Variants in CCDC127 observed in about 807,000 individuals in gnomAD.
The protein encoded by CCDC127 is coiled-coil domain-containing protein 127.
Under a neutral mutation model 4.1 loss-of-function variants are expected in CCDC127, and 2 were observed. The observed-to-expected ratio is 0.49, with a 90% CI of 0.20 to 1.53. The LOEUF is 1.53. Ranked by LOEUF, CCDC127 falls within the 40% of genes most tolerant of loss-of-function variation. The probability of loss-of-function intolerance (pLI) is 0.23; values close to 1 mark genes in which losing one functional copy is unlikely to be tolerated. For missense variants in CCDC127, 271 were observed against 322.9 expected, an observed-to-expected ratio of 0.84 and a Z score of 1.23; for synonymous variants, 98 against 120.4, an observed-to-expected ratio of 0.81 and a Z score of 1.22.
Position 196,890 on chromosome 5 carries a change from C to G in CCDC127, c.*8407G>C, listed in dbSNP as rs1733953637. On this transcript the variant is annotated 3_prime_UTR_variant, in exon 3 of 3. Coordinates refer to ENST00000296824, the MANE Select transcript of CCDC127 (RefSeq NM_145265.3). ...AAGTATAGAGAAACAACAGTGGGCC[C>G]AGGGGACCGGCGCTCAGCATACCAA... 1.3e-5 allele frequency: 2 copies of G among 150,558 alleles called. No homozygotes were observed. Among genetic ancestry groups the G allele is most frequent in the African/African-American group, 2.4e-5 (1 of 40,868 alleles). 9.3% of individuals were successfully genotyped at this position (150,558 alleles called of 1,614,324 possible). A position where few individuals can be genotyped will look rare whatever the true frequency, so the allele number is the denominator to read the frequency against.
Position 204,408 on chromosome 5 carries a change from G to A in CCDC127, c.*889C>T, listed in dbSNP as rs906861409. On this transcript the variant is annotated 3_prime_UTR_variant, in exon 3 of 3. Transcript: ENST00000296824. ...TACAGGCTCAATTCCCAGTAGCTAT[G>A]TGTGACATGGGGTGATAAGTGCCTG... 4 of 152,266 alleles carry A rather than the reference G, an allele frequency of 2.6e-5. No homozygotes were observed. The highest frequency in any genetic ancestry group is 4.4e-5 in the Non-Finnish European group (3 of 68,046). The allele number at this position is 152,266 out of a possible 1,614,324, so 9.4% of individuals were successfully genotyped here. A position where few individuals can be genotyped will look rare whatever the true frequency, so the allele number is the denominator to read the frequency against.
At position 205,327 on chromosome 5, in the gene CCDC127, C is replaced by T. The variant is rs767970041; in HGVS notation, c.753G>A (p.Lys251=). 4.3e-6 allele frequency: 7 copies of T among 1,613,104 alleles called. No homozygotes were observed. The African/African-American group carries it at 5.3e-5, about 12-fold the overall frequency. ...TTTCTAGTATGGCTTCCTCTACTCT[C>T]TTAAACTTCTTCAGTTCGACAACGA... ...WELVVELKKF[K]RVEEAILEK Residue 251 remains lysine, a synonymous_variant, in exon 3 of 3, where the codon AAG becomes AAA. Coordinates refer to ENST00000296824, the MANE Select transcript of CCDC127 (RefSeq NM_145265.3).
rs1734081235 is a variant in CCDC127, at chr5:201,773, C to T, written c.*3524G>A. On this transcript the variant is annotated 3_prime_UTR_variant, in exon 3 of 3. Transcript: ENST00000296824. Reference sequence around the variant, plus strand: ...TAGAAAGTACAATCTCAACCCCTCCCCGCAAAAGTCCTTCCTTTTTAAGCC... The same window carrying T: ...TAGAAAGTACAATCTCAACCCCTCCTCGCAAAAGTCCTTCCTTTTTAAGCC... 6.6e-6 allele frequency: 1 copy of T among 152,212 alleles called. No homozygotes were observed. Among genetic ancestry groups the T allele is most frequent in the African/African-American group, 2.4e-5 (1 of 41,432 alleles). The allele number at this position is 152,212 out of a possible 1,614,324, so 9.4% of individuals were successfully genotyped here.
rs1464206597 is a variant in CCDC127 at position 196,989 on chromosome 5, TGTAGTAGG to T, written c.*8300_*8307del. ...TTTTCATTATTTCAGCAAAAAGGAA[TGTAGTAGG>T]AGAGCAGGGTGATAATAAGGAGGAG... is the stretch of plus-strand genomic sequence containing the variant. On this transcript the variant is annotated 3_prime_UTR_variant, in exon 3 of 3. Coordinates refer to ENST00000296824, the MANE Select transcript of CCDC127 (RefSeq NM_145265.3). 9 of 150,734 alleles carry T rather than the reference TGTAGTAGG, an allele frequency of 6.0e-5. No individual in the cohort carries two copies. Among genetic ancestry groups the T allele is most frequent in the Non-Finnish European group, 1.0e-4 (7 of 67,808 alleles). The allele number at this position is 150,734 out of a possible 1,614,324, so 9.3% of individuals were successfully genotyped here. A position where few individuals can be genotyped will look rare whatever the true frequency, so the allele number is the denominator to read the frequency against.
In CCDC127 at chr5:205,333, C is replaced by T. The variant is rs1734149165; in HGVS notation, c.747G>A (p.Lys249=). 1 of 1,613,582 alleles carries T rather than the reference C, an allele frequency of 6.2e-7. No individual in the cohort carries two copies. Among genetic ancestry groups the T allele is most frequent in the South Asian group, 1.1e-5 (1 of 90,942 alleles). ...GTATGGCTTCCTCTACTCTCTTAAA[C>T]TTCTTCAGTTCGACAACGAGTTCCC... ...KYWELVVELK[K]FKRVEEAILE... The change falls in exon 3 of 3, where the codon AAG becomes AAA. Residue 249 remains lysine (K), a synonymous_variant. Transcript: ENST00000296824.
chr5:206,110 G>T (rs1734167139), intron 2 of CCDC127, 152 bp from the exon 3 acceptor site: 2 of 730,614 alleles, frequency 2.7e-6, no homozygotes, highest in Non-Finnish European at 4.3e-6. Context: ...GTGAAAATGT[G>T]TAACAGGCCA....
Position 201,121 on chromosome 5 carries a change from C to T in CCDC127, c.*4176G>A, listed in dbSNP as rs145134154. The T allele has an allele frequency of 2.6e-5, 4 of 152,320 alleles. No individual in the cohort carries two copies. The highest frequency in any genetic ancestry group is 2.1e-4 in the South Asian group (1 of 4,830). 9.4% of individuals were successfully genotyped at this position (152,320 alleles called of 1,614,324 possible). ...GCCAGTGTCTAGGGCAGCTGCCCCC[C>T]CAAACACCCTGGCTCCTCCCAACAT... On this transcript the variant is annotated 3_prime_UTR_variant, in exon 3 of 3. Transcript: ENST00000296824.
chr5:205,085 C>T lies in CCDC127; in HGVS notation c.*212G>A, dbSNP rs1431190030. On this transcript the variant is annotated 3_prime_UTR_variant, in exon 3 of 3. Coordinates refer to ENST00000296824, the MANE Select transcript of CCDC127 (RefSeq NM_145265.3). ...CTAAAAATGCTTCAAGAAACCATAT[C>T]CCCAACAGCGGCAGAGCATCGGGAG... is the stretch of plus-strand genomic sequence containing the variant. 1.9e-6 allele frequency: 1 copy of T among 531,016 alleles called. No individual in the cohort carries two copies. Among genetic ancestry groups the T allele is most frequent in the African/African-American group, 1.9e-5 (1 of 52,798 alleles). The allele number at this position is 531,016 out of a possible 1,614,324, so 32.9% of individuals were successfully genotyped here.
At chr5:209,132 C>T (rs1734236991) in intron 2 of CCDC127, among the ~76,000 whole-genome samples, 1 of 150,274 alleles carries the variant, frequency 6.7e-6, no homozygotes, top group African/African-American at 2.5e-5. Flanking sequence ...TGGCCACACA[C>T]ATCATTCCAC....
chr5:202,429 A>G lies in CCDC127; in HGVS notation c.*2868T>C, dbSNP rs1734089856. The G allele has an allele frequency of 6.6e-6, 1 of 152,214 alleles. No individual in the cohort carries two copies. The highest frequency in any genetic ancestry group is 2.4e-5 in the African/African-American group (1 of 41,420). The allele number at this position is 152,214 out of a possible 1,614,324, so 9.4% of individuals were successfully genotyped here. On this transcript the variant is annotated 3_prime_UTR_variant, in exon 3 of 3. Transcript: ENST00000296824. ...GTGAAACCCTGTCTCTACTAAACAT[A>G]CAAAAATTAGCCAGGCATGGTGGCA...
At chr5:213,562 A>G (rs1393659680) in intron 2 of CCDC127, among the ~76,000 whole-genome samples, 2 of 147,880 alleles carry the variant, frequency 1.4e-5, no homozygotes, top group Non-Finnish European at 3.0e-5. Flanking sequence ...ACGACGAGAC[A>G]GCACCACACA....
At chr5:215,612 A>G (rs963088821) in intron 2 of CCDC127, 1 of 151,994 alleles carries the variant, frequency 6.6e-6, no homozygotes, top group African/African-American at 2.4e-5. Flanking sequence ...TTGGATGTGG[A>G]CCTGCCCTGT....
rs1468534436 is a variant in CCDC127 at position 202,669 on chromosome 5, T to C, written c.*2628A>G. On this transcript the variant is annotated 3_prime_UTR_variant, in exon 3 of 3. Transcript: ENST00000296824. ...AGCTTGAAGGCTCTGAACATATCTA[T>C]CTCACTATAGAAGGAAGCTAGGCTG... The C allele has an allele frequency of 6.6e-6, 1 of 152,214 alleles. No individual in the cohort carries two copies. Among genetic ancestry groups the C allele is most frequent in the Non-Finnish European group, 1.5e-5 (1 of 68,030 alleles). 9.4% of individuals were successfully genotyped at this position (152,214 alleles called of 1,614,324 possible).
intron 2 of CCDC127, among the ~76,000 whole-genome samples, chr5:210,960 C>T (rs1366127318): frequency 5.7e-5 from 4 of 70,666 alleles, no homozygotes; most frequent in Admixed American, 1.3e-4. Flanking sequence ...ACTGCAGCCA[C>T]GATGAGACAG....
At position 201,949 on chromosome 5, in the gene CCDC127, T is replaced by C. The variant is rs12187688; in HGVS notation, c.*3348A>G. ...GAGCTCCACTCCTTACCCCAAAGGG[T>C]CCTCTCTGCCTTGCTGGCTCACGGT... is the stretch of plus-strand genomic sequence containing the variant. On this transcript the variant is annotated 3_prime_UTR_variant, in exon 3 of 3. Coordinates refer to ENST00000296824, the MANE Select transcript of CCDC127 (RefSeq NM_145265.3). The C allele has an allele frequency of 0.48, 73,114 of 152,010 alleles. 17,831 individuals carry two copies. The highest frequency in any genetic ancestry group is 0.52 in the South Asian group (2,486 of 4,812). 9.4% of individuals were successfully genotyped at this position (152,010 alleles called of 1,614,324 possible).
chr5:211,207 G>A (rs1734279586), intron 2 of CCDC127, among the ~76,000 whole-genome samples: 3 of 116,898 alleles, frequency 2.6e-5, no homozygotes, highest in African/African-American at 1.1e-4. Context: ...GCTGATGCTC[G>A]ACATCGCACA....
In CCDC127 at chr5:202,863, C is replaced by T. The variant is rs973679650; in HGVS notation, c.*2434G>A. 2 of 152,230 alleles carry T rather than the reference C, an allele frequency of 1.3e-5. No individual in the cohort carries two copies. The highest frequency in any genetic ancestry group is 1.3e-4 in the Admixed American group (2 of 15,284). The allele number at this position is 152,230 out of a possible 1,614,324, so 9.4% of individuals were successfully genotyped here. ...CCGCAGGAATGGAGCCTGCACCGCT[C>T]TTTAGGCAAGGGTCTTGATGCATCA... is the stretch of plus-strand genomic sequence containing the variant. On this transcript the variant is annotated 3_prime_UTR_variant, in exon 3 of 3. Coordinates refer to ENST00000296824, the MANE Select transcript of CCDC127 (RefSeq NM_145265.3).
rs1560974823 is a variant in CCDC127 at position 205,820 on chromosome 5, T to C, written c.260A>G (p.Gln87Arg). ...TTCCTTTTCGAGTTCCAAGGACAAC[T>C]GAGCGACAGCACGCCGATTTTCTGA... ...MISENRRAVA[Q>R]LSLELEKEQN... The change falls in exon 3 of 3, where the codon CAG (glutamine) becomes CGG (arginine). Residue 87 changes from glutamine to arginine, a missense_variant. By Grantham distance (43) the Gln-to-Arg change is conservative. Around this residue, in one of 2 missense-constraint regions of CCDC127, gnomAD observed 265 missense variants for 270.9 expected, o/e 0.98. Coordinates refer to ENST00000296824, the MANE Select transcript of CCDC127 (RefSeq NM_145265.3). 4 of 1,614,218 alleles carry C rather than the reference T, an allele frequency of 2.5e-6. No homozygotes were observed. The highest frequency in any genetic ancestry group is 3.4e-6 in the Non-Finnish European group (4 of 1,180,034).
At chr5:216,092 C>T (rs1350704912) in intron 2 of CCDC127, 7 of 148,472 alleles carry the variant, frequency 4.7e-5, no homozygotes, top group Non-Finnish European at 8.9e-5. Context: ...CCCTGTTGCT[C>T]GGGCTGGAGG....
Sources: gnomAD v4.1 joint callset for allele counts (sites outside exome capture counted in the v4.1 genomes callset) on GRCh38, gnomAD v4.1.1 for gene constraint, gnomAD v4.1.1 regional missense constraint, MANE v1.5 for transcripts, NCBI Gene and HGNC (gene_info 2026-07-23, HGNC 2026-07-21) for gene names.